CELF2: variants seen among roughly 807,000 people sequenced by gnomAD.
CELF2 encodes CUG triplet repeat RNA-binding protein 2.
In CELF2, 8 loss-of-function variants were observed where a neutral mutation model predicts 62.6. The ratio of observed to expected loss-of-function variants is 0.13; its 90% CI spans 0.07 to 0.23. CELF2 has a LOEUF of 0.23. CELF2 is among the 10% of genes least tolerant of loss of function. The pLI, the probability that CELF2 is intolerant of heterozygous loss-of-function variation, is 1.00. For synonymous variants in CELF2, 258 were observed against 250.0 expected (o/e 1.03, Z -0.30); for missense variants, 333 against 671.0 (o/e 0.50, Z 5.56).
rs1329131236 is a variant in CELF2, at chr10:10,993,978, C to T, written c.89+73979C>T. ...AGAGGAGCCTCATGAGAAACCAAAC[C>T]TGCTGTCACCTTGATCTTGACTTCC... On this transcript the variant is annotated intron_variant, in intron 2 of 13. Transcript: ENST00000636488. The surrounding 1 kb of genome is among the most constrained non-coding windows in gnomAD (Gnocchi z 5.3). 6.6e-6 allele frequency among the ~76,000 whole-genome samples: 1 copy of T among 152,202 alleles called. No individual in the cohort carries two copies. Among genetic ancestry groups the T allele is most frequent in the African/African-American group, 2.4e-5 (1 of 41,454 alleles).
intron 2 of CELF2, among the ~76,000 whole-genome samples, chr10:10,967,094 C>T (rs572300957): frequency 3.3e-5 from 5 of 152,290 alleles, no homozygotes; most frequent in East Asian, 3.9e-4. Context: ...AGTAGGTTCA[C>T]GGAGACTCCG....
the CELF2 span, among the ~76,000 whole-genome samples, chr10:10,557,942 A>G: frequency 5.1e-4 from 71 of 140,126 alleles, 1 homozygote; most frequent in Admixed American, 1.5e-3. Context: ...GGGCTGAGAC[A>G]ATGGGGTTTT....
chr10:11,245,584 G>T (rs557061598), intron 3 of CELF2, among the ~76,000 whole-genome samples: 2 of 152,316 alleles, frequency 1.3e-5, no homozygotes, highest in South Asian at 4.2e-4. Context: ...GGTGTGCAGT[G>T]GCAGTAGCTG....
At position 11,011,995 on chromosome 10, in the gene CELF2, T is replaced by G. The variant is rs1256679247; in HGVS notation, c.53+6555T>G. ...TGTAGTGATAATTAGGTTAACACAT[T>G]GTACTTCTTATCTGAGGATCATGGT... On this transcript the variant is annotated intron_variant, in intron 1 of 12. Transcript: ENST00000416382. This position sits in a 1 kb window ranked among gnomAD's most constrained non-coding sequence, Gnocchi z 4.6. Among the ~76,000 whole-genome samples, 4 of 152,256 alleles carry G rather than the reference T, an allele frequency of 2.6e-5. No individual in the cohort carries two copies. The highest frequency in any genetic ancestry group is 4.8e-5 in the African/African-American group (2 of 41,466).
Position 11,039,422 on chromosome 10 carries a change from T to C in CELF2, c.74+21259T>C, listed in dbSNP as rs186357544. 2.0e-5 allele frequency among the ~76,000 whole-genome samples: 3 copies of C among 152,242 alleles called. No individual in the cohort carries two copies. The highest frequency in any genetic ancestry group is 1.9e-4 in the East Asian group (1 of 5,196). ...GACTATTCCTCCAACCTACTTCTTA[T>C]GCTGGTTGTGTGAATTATACCATTA... is the stretch of plus-strand genomic sequence containing the variant. On this transcript the variant is annotated intron_variant, in intron 1 of 12. Coordinates refer to ENST00000633077, the MANE Select transcript of CELF2 (RefSeq NM_001326342.2). The surrounding 1 kb of genome is among the most constrained non-coding windows in gnomAD (Gnocchi z 4.1).
intron 2 of CELF2, among the ~76,000 whole-genome samples, chr10:10,930,932 G>A (rs577482980): frequency 2.8e-4 from 42 of 152,106 alleles, no homozygotes; most frequent in Non-Finnish European, 5.6e-4. Flanking sequence ...AATGAGCTTT[G>A]ACAAAAACAA....
At chr10:10,716,100 T>C in the CELF2 span, among the ~76,000 whole-genome samples, 2 of 152,204 alleles carry the variant, frequency 1.3e-5, no homozygotes, top group Non-Finnish European at 2.9e-5. Flanking sequence ...CTTTCCTAGG[T>C]GGCCCCTGGA....
In CELF2 at chr10:11,157,280, C is replaced by T. The variant is rs558906699; in HGVS notation, c.75-8206C>T. Among the ~76,000 whole-genome samples, 302 of 152,282 alleles carry T rather than the reference C, an allele frequency of 2.0e-3. No individual in the cohort carries two copies. The highest frequency in any genetic ancestry group is 0.017 in the Middle Eastern group (5 of 294). ...CGTTTCCCACCTTCCCAGCTCCCTT[C>T]CTTGTTAGAGCCGCCTTTTTCTCCC... On this transcript the variant is annotated intron_variant, in intron 1 of 12. Transcript: ENST00000633077. This position sits in a 1 kb window ranked among gnomAD's most constrained non-coding sequence, Gnocchi z 4.9.
the CELF2 span, among the ~76,000 whole-genome samples, chr10:10,462,863 G>A: frequency 1.3e-5 from 2 of 151,930 alleles, no homozygotes; most frequent in African/African-American, 4.8e-5. Context: ...TAAGATTGTC[G>A]CACTATGACA....
chr10:10,462,615 C>CTTTTTTTTT, the CELF2 span, among the ~76,000 whole-genome samples: 2 of 69,414 alleles, frequency 2.9e-5, no homozygotes, highest in African/African-American at 5.7e-5. Context: ...TTTTTTTCAT[C>CTTTTTTTTT]TTTTTTTTTT....
In CELF2 at chr10:11,020,969, A is replaced by G. The variant is rs539812002; in HGVS notation, c.74+2806A>G. 2.0e-5 allele frequency among the ~76,000 whole-genome samples: 3 copies of G among 152,338 alleles called. No homozygotes were observed. In the South Asian group the frequency reaches 6.2e-4, roughly 32 times the overall value. ...AAAGTTTCATTGTCTTTGTGTTACT[A>G]TACAATATCATCTACAATATTAGCC... On this transcript the variant is annotated intron_variant, in intron 1 of 12. Coordinates refer to ENST00000633077, the MANE Select transcript of CELF2 (RefSeq NM_001326342.2).
the CELF2 span, among the ~76,000 whole-genome samples, chr10:10,529,582 G>C: frequency 6.6e-6 from 1 of 151,010 alleles, no homozygotes; most frequent in African/African-American, 2.4e-5. Flanking sequence ...TACTCAGGAG[G>C]CTGAGGCAGG....
At position 11,314,580 on chromosome 10, in the gene CELF2, G is replaced by A. The variant is rs148093651; in HGVS notation, c.1096+322G>A. ...TTGGTTTCGGTCGGTTCTGTCCTGC[G>A]AGGCAGGGTGTTACGGTGGGAAAAG... On this transcript the variant is annotated intron_variant, in intron 10 of 12. Transcript: ENST00000633077. The surrounding 1 kb of genome is among the most constrained non-coding windows in gnomAD (Gnocchi z 5.3). The A allele has an allele frequency of 1.9e-3, 722 of 390,172 alleles. 3 individuals are homozygous for A. The highest frequency in any genetic ancestry group is 3.4e-3 in the South Asian group (162 of 47,972). The allele number at this position is 390,172 out of a possible 1,614,324, so 24.2% of individuals were successfully genotyped here. A position where few individuals can be genotyped will look rare whatever the true frequency, so the allele number is the denominator to read the frequency against.
upstream of CELF2, among the ~76,000 whole-genome samples, chr10:10,797,290 T>C (rs2054198617): frequency 2.6e-5 from 4 of 152,112 alleles, 1 homozygote; most frequent in South Asian, 8.3e-4. Context: ...AATCACAATA[T>C]GTTTTCTTTC....
At chr10:11,091,727 C>A (rs763434750) in intron 1 of CELF2, among the ~76,000 whole-genome samples, 1 of 152,092 alleles carries the variant, frequency 6.6e-6, no homozygotes, top group Admixed American at 6.6e-5. Context: ...AAAATTTAAC[C>A]CACAGAAAAA....
chr10:11,155,947 C>A (rs925479122), intron 1 of CELF2, among the ~76,000 whole-genome samples: 2 of 152,164 alleles, frequency 1.3e-5, no homozygotes, highest in African/African-American at 4.8e-5. Context: ...AGATTAAATT[C>A]TGCCATTGAT....
intron 1 of CELF2, among the ~76,000 whole-genome samples, chr10:10,830,880 G>A (rs763057285): frequency 1.3e-5 from 2 of 152,130 alleles, no homozygotes; most frequent in Non-Finnish European, 2.9e-5. Flanking sequence ...GTACACATCT[G>A]TCAATGAATC....
rs2277213 is a variant in CELF2 at position 11,288,473 on chromosome 10, G to A, written c.897G>A (p.Ala299=). 5.5e-3 allele frequency: 8,923 copies of A among 1,613,872 alleles called. 234 individuals carry two copies. The East Asian group carries it at 0.085, about 15-fold the overall frequency. The change falls in exon 9 of 13, where the codon GCG becomes GCA. Residue 299 remains alanine, a synonymous_variant. Coordinates refer to ENST00000633077, the MANE Select transcript of CELF2 (RefSeq NM_001326342.2). ...CGACGCTGGCTGCTGCTGCAGCTGC[G>A]GCCCAGACCTCAGCCACCAGCACCA... ...NLATLAAAAA[A]AQTSATSTNA... is the part of the protein sequence containing the mutation.
At chr10:10,894,339 C>T (rs1173002364) in intron 1 of CELF2, among the ~76,000 whole-genome samples, 1 of 152,164 alleles carries the variant, frequency 6.6e-6, no homozygotes, top group Non-Finnish European at 1.5e-5. Context: ...ATCCTCTCAC[C>T]AGCTCAAGGG....
Sources: allele counts gnomAD v4.1 joint callset (sites outside exome capture counted in the v4.1 genomes callset), GRCh38; gene constraint gnomAD v4.1.1; non-coding constraint Gnocchi (gnomAD v3.1); transcripts MANE v1.5; gene names NCBI Gene and HGNC (gene_info 2026-07-23, HGNC 2026-07-21).